DGKB: variants seen among roughly 807,000 people sequenced by gnomAD.
DGKB encodes diacylglycerol kinase beta.
A neutral mutation model predicts 114.3 loss-of-function variants in DGKB; 67 were observed. That is an observed-to-expected ratio of 0.59 (90% confidence interval 0.48 to 0.72). DGKB has a LOEUF of 0.72. DGKB is among the 30% of genes least tolerant of loss of function. DGKB has a pLI of 0.00. For synonymous variants in DGKB, 398 were observed against 323.1 expected (o/e 1.23, Z -2.49); for missense variants, 907 against 975.2 (o/e 0.93, Z 0.93).
chr7:14,160,679 A>T (rs1408965388), intron 25 of DGKB, among the ~76,000 whole-genome samples: 1 of 152,210 alleles, frequency 6.6e-6, no homozygotes, highest in Non-Finnish European at 1.5e-5. Context: ...TTAATATGAA[A>T]ATGGCCATAC....
intron 21 of DGKB, among the ~76,000 whole-genome samples, chr7:14,384,409 T>A (rs1446880143): frequency 6.6e-6 from 1 of 152,194 alleles, no homozygotes; most frequent in African/African-American, 2.4e-5. Context: ...TGTCAGTGGC[T>A]GCTTTCACTC....
intron 23 of DGKB, among the ~76,000 whole-genome samples, chr7:14,256,137 T>C (rs1795936983): frequency 6.6e-6 from 1 of 152,230 alleles, no homozygotes; most frequent in Non-Finnish European, 1.5e-5. Flanking sequence ...TGCTTATCTA[T>C]TGAATCTTTG....
At chr7:14,778,730 C>A (rs1300544339) in intron 2 of DGKB, among the ~76,000 whole-genome samples, 4 of 152,160 alleles carry the variant, frequency 2.6e-5, no homozygotes, top group Admixed American at 2.0e-4. Context: ...GACTTGTAAC[C>A]TTGACCCTTA....
chr7:14,428,442 G>A (rs1208821104), intron 21 of DGKB, among the ~76,000 whole-genome samples: 2 of 152,056 alleles, frequency 1.3e-5, no homozygotes, highest in African/African-American at 4.8e-5. Context: ...GAGGTTGTTT[G>A]GGGGTATGAG....
chr7:14,238,171 A>C (rs59415036), intron 23 of DGKB, among the ~76,000 whole-genome samples: 22,005 of 151,972 alleles, frequency 0.14, 2,038 homozygotes, highest in Non-Finnish European at 0.2. Context: ...TTTCATGTTG[A>C]ATTGTAATTC....
intron 13 of DGKB, among the ~76,000 whole-genome samples, chr7:14,655,904 A>G (rs1003645628): frequency 6.6e-6 from 1 of 151,738 alleles, no homozygotes; most frequent in African/African-American, 2.4e-5. Flanking sequence ...CAAAGAGAGA[A>G]GTTGGTTAAC....
intron 2 of DGKB, among the ~76,000 whole-genome samples, chr7:14,811,896 T>A (rs963343523): frequency 1.8e-5 from 1 of 56,292 alleles, no homozygotes; most frequent in African/African-American, 1.8e-4. Flanking sequence ...TCTTTAGAAC[T>A]TTTTTATTTT....
chr7:14,853,622 C>T (rs536403845), intron 1 of DGKB, among the ~76,000 whole-genome samples: 2 of 151,526 alleles, frequency 1.3e-5, no homozygotes, highest in Admixed American at 1.3e-4. Flanking sequence ...ATTGGGAGGC[C>T]GAGGTGGGCG....
chr7:14,231,060 G>T (rs1032253531), intron 23 of DGKB, among the ~76,000 whole-genome samples: 1 of 151,564 alleles, frequency 6.6e-6, no homozygotes, highest in African/African-American at 2.4e-5. Flanking sequence ...ATTAAGCAAG[G>T]TTAAAAATTC....
intron 22 of DGKB, among the ~76,000 whole-genome samples, chr7:14,344,949 A>T (rs1202258415): frequency 6.6e-6 from 1 of 151,702 alleles, no homozygotes; most frequent in Admixed American, 6.6e-5. Context: ...CAAGATATTG[A>T]GACCCGAAAA....
chr7:14,840,105 C>T (rs548995605), intron 2 of DGKB, among the ~76,000 whole-genome samples: 1 of 152,262 alleles, frequency 6.6e-6, no homozygotes, highest in South Asian at 2.1e-4. Context: ...TTCTCTGCTT[C>T]TACTTTATAA....
chr7:14,629,460 C>T (rs1449045337), intron 14 of DGKB, among the ~76,000 whole-genome samples: 4 of 151,870 alleles, frequency 2.6e-5, no homozygotes, highest in Non-Finnish European at 2.9e-5. Flanking sequence ...TTTTTACAAA[C>T]ATGTTATCCT....
chr7:14,581,491 G>A (rs985565698), intron 18 of DGKB, among the ~76,000 whole-genome samples: 7 of 152,096 alleles, frequency 4.6e-5, no homozygotes, highest in East Asian at 1.9e-4. Flanking sequence ...GGAACACAAC[G>A]TTAACAGCTG....
chr7:14,478,319 T>C, intron 20 of DGKB, 94 bp from the exon 21 acceptor site: 1 of 768,908 alleles, frequency 1.3e-6, no homozygotes, highest in Non-Finnish European at 2.0e-6. Context: ...CATTTCAAAA[T>C]GAACTTTTAT....
rs766113041 is a variant in DGKB at position 14,379,568 on chromosome 7, A to AT, written c.1836-34178dup. ...AATTGCTTTTTTTATTTTATTTTTT[A>AT]TTGTTTTTTGAGATGGAGTCTTACT... On this transcript the variant is annotated intron_variant, in intron 21 of 25. Transcript: ENST00000402815. Among the ~76,000 whole-genome samples, 1,386 of 150,964 alleles carry AT rather than the reference A, an allele frequency of 9.2e-3. 10 individuals carry two copies. Among genetic ancestry groups the AT allele is most frequent in the Non-Finnish European group, 0.015 (1,034 of 67,686 alleles).
At chr7:14,257,188 T>A (rs1796077551) in intron 23 of DGKB, among the ~76,000 whole-genome samples, 1 of 152,178 alleles carries the variant, frequency 6.6e-6, no homozygotes, top group Non-Finnish European at 1.5e-5. Flanking sequence ...TAAAAAAATT[T>A]ATTCTGTTAC....
At chr7:14,942,543 T>G (rs1183372494) in intron 1 of DGKB, among the ~76,000 whole-genome samples, 2 of 152,084 alleles carry the variant, frequency 1.3e-5, no homozygotes, top group African/African-American at 2.4e-5. Flanking sequence ...GTGAGATATA[T>G]TCTAACAGTG....
chr7:14,740,188 A>C (rs1018455175), intron 4 of DGKB, among the ~76,000 whole-genome samples: 1 of 151,188 alleles, frequency 6.6e-6, no homozygotes, highest in Non-Finnish European at 1.5e-5. Context: ...CTGTTTGCAT[A>C]AGAACAAGAG....
chr7:14,410,965 T>A (rs1437240788), intron 21 of DGKB, among the ~76,000 whole-genome samples: 1 of 152,192 alleles, frequency 6.6e-6, no homozygotes, highest in Non-Finnish European at 1.5e-5. Flanking sequence ...GTGAAGGTGA[T>A]ACACATTCAA....
Sources: gnomAD v4.1 joint callset for allele counts (sites outside exome capture counted in the v4.1 genomes callset) on GRCh38, gnomAD v4.1.1 for gene constraint, MANE v1.5 for transcripts, NCBI Gene and HGNC (gene_info 2026-07-23, HGNC 2026-07-21) for gene names.